The following EDEM1 variants were observed in gnomAD, a reference collection of about 807,000 sequenced individuals.
EDEM1 encodes the protein ER degradation enhancing alpha-mannosidase like protein 1, also known as ER degradation-enhancing alpha-mannosidase-like protein 1.
EDEM1 carries 67 observed loss-of-function variants against 74.4 expected under a neutral mutation model. The observed-to-expected ratio is 0.90, with a 90% CI of 0.74 to 1.10. The LOEUF is 1.10. Among genes scored for constraint, EDEM1 ranks in the 50% least tolerant of loss-of-function variants. The probability of loss-of-function intolerance (pLI) is 0.00; values close to 1 mark genes in which losing one functional copy is unlikely to be tolerated. For synonymous variants in EDEM1, 382 were observed against 335.9 expected (o/e 1.14, Z -1.50); for missense variants, 926 against 851.6 (o/e 1.09, Z -1.09).
chr3:5,210,377 A>G (rs1245835111), intron 9 of EDEM1, 129 bp downstream of exon 9: 1 of 872,000 alleles, frequency 1.1e-6, no homozygotes, highest in East Asian at 2.6e-5. Flanking sequence ...TTACAGGGAA[A>G]TTGCTTACCT....
rs938635502 is a variant in EDEM1 at position 5,216,905 on chromosome 3, G to C, written c.*987G>C. 5 of 152,646 alleles carry C rather than the reference G, an allele frequency of 3.3e-5. No homozygotes were observed. The highest frequency in any genetic ancestry group is 1.2e-4 in the African/African-American group (5 of 41,454). 9.5% of individuals were successfully genotyped at this position (152,646 alleles called of 1,614,324 possible). A position where few individuals can be genotyped will look rare whatever the true frequency, so the allele number is the denominator to read the frequency against. ...CTCACTTCTGACCATATTTGGGTTA[G>C]AGTTCTGTTTTGTTTCTGTTTTCTG... On this transcript the variant is annotated 3_prime_UTR_variant, in exon 12 of 12. Transcript: ENST00000256497.
At chr3:5,195,668 A>G (rs1289086260) in intron 2 of EDEM1, among the ~76,000 whole-genome samples, 3 of 152,232 alleles carry the variant, frequency 2.0e-5, no homozygotes, top group Non-Finnish European at 4.4e-5. Context: ...AATGTCATCT[A>G]GCCACTGGCT....
chr3:5,205,359 C>A, intron 6 of EDEM1, 118 bp downstream of exon 6: 1 of 1,016,810 alleles, frequency 9.8e-7, no homozygotes, highest in Non-Finnish European at 1.4e-6. Context: ...CCTCACCTTA[C>A]CACCTCTCCT....
At position 5,188,123 on chromosome 3, in the gene EDEM1, C is replaced by T. The variant is rs1157958564; in HGVS notation, c.318C>T (p.Gly106=). The part of the protein sequence containing the change: ...GPANWGYVLG[G]RGRGPDEYEK... ...CCAACTGGGGCTACGTGCTGGGCGG[C>T]CGGGGCCGCGGCCCGGACGAGTACG... Residue 106 remains glycine (G), a synonymous_variant, in exon 1 of 12, where the codon GGC becomes GGT. Transcript: ENST00000256497. The T allele has an allele frequency of 2.6e-6, 4 of 1,523,332 alleles. No individual in the cohort carries two copies. Among genetic ancestry groups the T allele is most frequent in the Admixed American group, 2.1e-5 (1 of 48,022 alleles). 94.4% of individuals were successfully genotyped at this position (1,523,332 alleles called of 1,614,324 possible). A position where few individuals can be genotyped will look rare whatever the true frequency, so the allele number is the denominator to read the frequency against.
In EDEM1 at chr3:5,199,564, G is replaced by C. The variant is rs1035293675; in HGVS notation, c.583-28G>C. Reference sequence around the variant, plus strand: ...AGCCTCAGTTTCATTTCAAGTTGCTGTAATGACCTGTGTTCCTCTTTTTAA... The same window carrying C: ...AGCCTCAGTTTCATTTCAAGTTGCTCTAATGACCTGTGTTCCTCTTTTTAA... On this transcript the variant is annotated intron_variant, in intron 2 of 11. Transcript: ENST00000256497. The C allele has an allele frequency of 5.1e-6, 8 of 1,555,388 alleles. No homozygotes were observed. In the East Asian group the frequency reaches 1.8e-4, roughly 35 times the overall value.
intron 8 of EDEM1, among the ~76,000 whole-genome samples, chr3:5,209,011 G>A (rs1019012929): frequency 2.6e-5 from 4 of 152,092 alleles, no homozygotes; most frequent in East Asian, 3.9e-4. Flanking sequence ...TCAGTAGGCC[G>A]GTAACAGATG....
chr3:5,188,861 T>G (rs548064819), intron 1 of EDEM1, among the ~76,000 whole-genome samples: 1 of 152,348 alleles, frequency 6.6e-6, no homozygotes, highest in Non-Finnish European at 1.5e-5. Flanking sequence ...CAGCCTCTCC[T>G]TCACAGGGGC....
intron 5 of EDEM1, among the ~76,000 whole-genome samples, chr3:5,204,848 C>A (rs2055075895): frequency 6.6e-6 from 1 of 152,084 alleles, no homozygotes; most frequent in Non-Finnish European, 1.5e-5. Context: ...ATGTTTATCC[C>A]CATGTTTGTG....
intron 1 of EDEM1, among the ~76,000 whole-genome samples, chr3:5,193,269 T>C (rs2054923363): frequency 6.6e-6 from 1 of 152,158 alleles, no homozygotes; most frequent in African/African-American, 2.4e-5. Context: ...GAGTGAAATA[T>C]TTACACAGAG....
At chr3:5,194,968 G>T in intron 1 of EDEM1, 1 of 310,254 alleles carries the variant, frequency 3.2e-6, no homozygotes, top group Non-Finnish European at 5.9e-6. Flanking sequence ...GACTTCCTGT[G>T]AGCATTCTTT....
chr3:5,194,809 T>G (rs2054943604), intron 1 of EDEM1, among the ~76,000 whole-genome samples: 1 of 152,254 alleles, frequency 6.6e-6, no homozygotes, highest in South Asian at 2.1e-4. Context: ...ATTTCTGTAT[T>G]AAAGTATTAC....
chr3:5,209,159 T>A (rs903395599), intron 8 of EDEM1, among the ~76,000 whole-genome samples: 1 of 152,162 alleles, frequency 6.6e-6, no homozygotes, highest in African/African-American at 2.4e-5. Flanking sequence ...ACCAAATCCT[T>A]GCCGTTTGCT....
chr3:5,202,030 A>G (rs2055040978), intron 4 of EDEM1, 106 bp downstream of exon 4: 1 of 1,367,980 alleles, frequency 7.3e-7, no homozygotes, highest in Non-Finnish European at 9.8e-7. Context: ...ATGGAGGTAG[A>G]TGAGAAAAGC....
chr3:5,211,288 C>A, intron 10 of EDEM1, 72 bp downstream of exon 10: 1 of 1,399,560 alleles, frequency 7.1e-7, no homozygotes, highest in Non-Finnish European at 1.0e-6. Flanking sequence ...AGTCTTCCAT[C>A]TGACAGGTAC....
rs953244203 is a variant in EDEM1 at position 5,218,235 on chromosome 3, A to G, written c.*2317A>G. 2.0e-5 allele frequency: 3 copies of G among 152,290 alleles called. No individual in the cohort carries two copies. The East Asian group carries it at 5.8e-4, about 29-fold the overall frequency. The allele number at this position is 152,290 out of a possible 1,614,324, so 9.4% of individuals were successfully genotyped here. On this transcript the variant is annotated 3_prime_UTR_variant, in exon 12 of 12. Coordinates refer to ENST00000256497, the MANE Select transcript of EDEM1 (RefSeq NM_014674.3). ...AGACTGAGGGTGAGTGAGTTAGTAC[A>G]TATTAATCCTGGTTGTTGAGCTTCC...
intron 1 of EDEM1, among the ~76,000 whole-genome samples, chr3:5,193,600 A>ATT (rs879826987): frequency 2.7e-5 from 4 of 146,288 alleles, no homozygotes; most frequent in Non-Finnish European, 1.5e-5. Context: ...AGTATCTAAA[A>ATT]TTTTTTTTTT....
At chr3:5,202,563 C>G (rs867162342) in intron 4 of EDEM1, among the ~76,000 whole-genome samples, 2 of 152,126 alleles carry the variant, frequency 1.3e-5, no homozygotes, top group Non-Finnish European at 2.9e-5. Context: ...CTTTCTTGCC[C>G]AGTTTGAGGT....
intron 9 of EDEM1, 36 bp downstream of exon 9, chr3:5,210,284 C>G: frequency 6.4e-7 from 1 of 1,565,824 alleles, no homozygotes; most frequent in Admixed American, 1.7e-5. Context: ...TTCTGTCAGC[C>G]ACTTTTAATT....
intron 10 of EDEM1, among the ~76,000 whole-genome samples, chr3:5,212,680 CA>C (rs2055182365): frequency 6.6e-6 from 1 of 152,216 alleles, no homozygotes; most frequent in South Asian, 2.1e-4. Context: ...TCAACATTCA[CA>C]GAACACTTGC....
Sources: gnomAD v4.1 joint callset for allele counts (sites outside exome capture counted in the v4.1 genomes callset) on GRCh38, gnomAD v4.1.1 for gene constraint, MANE v1.5 for transcripts, NCBI Gene and HGNC (gene_info 2026-07-23, HGNC 2026-07-21) for gene names.